ARIH1: variants seen among roughly 807,000 people sequenced by gnomAD.
ARIH1 encodes the protein ariadne RBR E3 ubiquitin protein ligase 1, also known as E3 ubiquitin-protein ligase ARIH1.
In ARIH1, 8 loss-of-function variants were observed where a neutral mutation model predicts 85.0. The ratio of observed to expected loss-of-function variants is 0.09; its 90% CI spans 0.06 to 0.17. The LOEUF is 0.17. ARIH1 is among the 10% of genes least tolerant of loss of function. The pLI is 1.00. For missense variants in ARIH1, 311 were observed against 718.1 expected (o/e 0.43, Z 6.48); for synonymous variants, 238 against 253.6 (o/e 0.94, Z 0.59).
At chr15:72,481,682 C>T (rs1198323076) in intron 1 of ARIH1, among the ~76,000 whole-genome samples, 1 of 151,624 alleles carries the variant, frequency 6.6e-6, no homozygotes, top group East Asian at 1.9e-4. Flanking sequence ...GGAGACTCTA[C>T]TTCAAAAAAA....
intron 11 of ARIH1, among the ~76,000 whole-genome samples, chr15:72,573,857 G>A (rs2064258768): frequency 6.6e-6 from 1 of 152,084 alleles, no homozygotes; most frequent in South Asian, 2.1e-4. Flanking sequence ...TATTATTACT[G>A]TACTGTTAAA....
At chr15:72,507,578 A>G (rs557977220) in intron 1 of ARIH1, among the ~76,000 whole-genome samples, 133 of 152,178 alleles carry the variant, frequency 8.7e-4, no homozygotes, top group South Asian at 3.5e-3. Flanking sequence ...TCATTCCTAT[A>G]ATCCCTGTGT....
intron 6 of ARIH1, among the ~76,000 whole-genome samples, chr15:72,561,947 T>G (rs1364650678): frequency 6.6e-6 from 1 of 152,190 alleles, no homozygotes; most frequent in East Asian, 1.9e-4. Context: ...CACTCCAGCC[T>G]GGGTGACAGA....
intron 11 of ARIH1, among the ~76,000 whole-genome samples, chr15:72,579,316 G>C (rs2064285990): frequency 6.6e-6 from 1 of 152,026 alleles, no homozygotes; most frequent in Admixed American, 6.5e-5. Context: ...TTCTATCCCT[G>C]CATTTTCTGC....
At chr15:72,581,075 A>T in intron 12 of ARIH1, 84 bp downstream of exon 12, 1 of 1,433,236 alleles carries the variant, frequency 7.0e-7, no homozygotes, top group Admixed American at 2.2e-5. Context: ...CAGAGTTTTC[A>T]GGGTTCTTGT....
chr15:72,527,864 ATCCTACTTTTCTTGTAT>A lies in ARIH1; in HGVS notation c.443+9737_443+9753del, dbSNP rs1371345941. On this transcript the variant is annotated intron_variant, in intron 2 of 13. Coordinates refer to ENST00000379887, the MANE Select transcript of ARIH1 (RefSeq NM_005744.5). The stretch of plus-strand genomic sequence containing the variant: ...ATTTGAGGTTCTTTGTGCAGAAACT[ATCCTACTTTTCTTGTAT>A]TCCTACACATAACGCAGTTCCTAAT... Among the ~76,000 whole-genome samples, 7 of 152,220 alleles carry A rather than the reference ATCCTACTTTTCTTGTAT, an allele frequency of 4.6e-5. No individual in the cohort carries two copies. The East Asian group carries it at 1.2e-3, about 25-fold the overall frequency.
chr15:72,522,149 A>C (rs1448387226), intron 2 of ARIH1, among the ~76,000 whole-genome samples: 7 of 152,250 alleles, frequency 4.6e-5, no homozygotes, highest in Admixed American at 4.6e-4. Context: ...GAGAATACAA[A>C]GATGAGATGT....
intron 11 of ARIH1, among the ~76,000 whole-genome samples, chr15:72,578,525 T>C (rs975705497): frequency 5.3e-5 from 8 of 152,224 alleles, no homozygotes; most frequent in African/African-American, 1.9e-4. Flanking sequence ...TTTATGTATA[T>C]TTTATCGTAG....
At chr15:72,547,318 C>T (rs546308354) in intron 3 of ARIH1, among the ~76,000 whole-genome samples, 6 of 151,872 alleles carry the variant, frequency 4.0e-5, no homozygotes, top group South Asian at 4.2e-4. Context: ...CTGCAGCCTG[C>T]GCCTCCTGGG....
intron 1 of ARIH1, among the ~76,000 whole-genome samples, chr15:72,514,982 A>C (rs1371022570): frequency 6.6e-6 from 1 of 150,822 alleles, no homozygotes; most frequent in African/African-American, 2.5e-5. Flanking sequence ...ACAAGACTCC[A>C]TCAAAAAAAC....
At chr15:72,566,184 A>T (rs2064219835) in intron 7 of ARIH1, among the ~76,000 whole-genome samples, 2 of 152,214 alleles carry the variant, frequency 1.3e-5, no homozygotes, top group African/African-American at 2.4e-5. Flanking sequence ...AAATTATATA[A>T]GTAACCTACA....
At position 72,552,837 on chromosome 15, in the gene ARIH1, C is replaced by G. The variant is rs557516752; in HGVS notation, c.589-2434C>G. Among the ~76,000 whole-genome samples, 4 of 150,094 alleles carry G rather than the reference C, an allele frequency of 2.7e-5. No individual in the cohort carries two copies. In the South Asian group the frequency reaches 8.4e-4, roughly 32 times the overall value. On this transcript the variant is annotated intron_variant, in intron 3 of 13. Coordinates refer to ENST00000379887, the MANE Select transcript of ARIH1 (RefSeq NM_005744.5). ...TCACCCAAGCTGGAGTGCGGTGGTGCGATCTTGGCTTACTGCAACCTCCAT... is the reference window on the plus strand; with the variant it reads ...TCACCCAAGCTGGAGTGCGGTGGTGGGATCTTGGCTTACTGCAACCTCCAT...
chr15:72,523,227 C>A (rs2064008817), intron 2 of ARIH1, among the ~76,000 whole-genome samples: 1 of 152,302 alleles, frequency 6.6e-6, no homozygotes, highest in African/African-American at 2.4e-5. Context: ...ATTGCCAAAA[C>A]TTGGAAGCAA....
intron 2 of ARIH1, among the ~76,000 whole-genome samples, chr15:72,542,956 T>A (rs1342901142): frequency 6.6e-6 from 1 of 151,182 alleles, no homozygotes; most frequent in Non-Finnish European, 1.5e-5. Flanking sequence ...TTTGAGACAG[T>A]CTCGCTCTGT....
intron 3 of ARIH1, among the ~76,000 whole-genome samples, chr15:72,546,345 C>G (rs562755605): frequency 7.2e-5 from 11 of 152,280 alleles, no homozygotes; most frequent in Admixed American, 2.0e-4. Context: ...AAATAAAGTA[C>G]TCTTAGAGAA....
chr15:72,557,019 G>A (rs1208912996), intron 5 of ARIH1, among the ~76,000 whole-genome samples: 2 of 152,168 alleles, frequency 1.3e-5, no homozygotes, highest in African/African-American at 2.4e-5. Flanking sequence ...TAATGCCACA[G>A]TGAACATACT....
intron 2 of ARIH1, among the ~76,000 whole-genome samples, chr15:72,536,466 T>A (rs2064082398): frequency 6.6e-6 from 1 of 152,176 alleles, no homozygotes; most frequent in Non-Finnish European, 1.5e-5. Context: ...TGAGAAACAA[T>A]AAAATTTTAT....
At chr15:72,567,242 C>G (rs2064224747) in intron 9 of ARIH1, 65 bp downstream of exon 9, 6 of 1,319,608 alleles carry the variant, frequency 4.5e-6, no homozygotes, top group Middle Eastern at 1.9e-4. Flanking sequence ...TTGGCATTAG[C>G]AAAAGCAATG....
At position 72,474,605 on chromosome 15, in the gene ARIH1, C is replaced by T; in HGVS notation, c.-35C>T. ...CGGCGTCCCCGCCCTCTCCCCGCCT[C>T]GGCCAGCGTCCGCCGGGCCCCCGCG... is the stretch of plus-strand genomic sequence containing the variant. On this transcript the variant is annotated 5_prime_UTR_variant, in exon 1 of 14. Coordinates refer to ENST00000379887, the MANE Select transcript of ARIH1 (RefSeq NM_005744.5). 1 of 1,495,654 alleles carries T rather than the reference C, an allele frequency of 6.7e-7. No homozygotes were observed. The highest frequency in any genetic ancestry group is 1.3e-5 in the South Asian group (1 of 79,710). 92.6% of individuals were successfully genotyped at this position (1,495,654 alleles called of 1,614,324 possible).
Sources: allele counts gnomAD v4.1 joint callset (sites outside exome capture counted in the v4.1 genomes callset), GRCh38; gene constraint gnomAD v4.1.1; transcripts MANE v1.5; gene names NCBI Gene and HGNC (gene_info 2026-07-23, HGNC 2026-07-21).